Variants in ZBTB20 observed in about 807,000 individuals in gnomAD.
The protein encoded by ZBTB20 is zinc finger and BTB domain-containing protein 20.
Under a neutral mutation model 56.9 loss-of-function variants are expected in ZBTB20, and 9 were observed. The observed-to-expected ratio is 0.16, with a 90% CI of 0.10 to 0.28. The LOEUF (loss-of-function observed/expected upper bound fraction) is 0.28. Ranked by LOEUF, ZBTB20 falls within the 10% of genes least tolerant of loss-of-function variation. The pLI is 1.00. For missense variants in ZBTB20, 655 were observed against 1,003.0 expected (o/e 0.65, Z 4.69); for synonymous variants, 417 against 420.7 (o/e 0.99, Z 0.11).
chr3:115,017,906 T>C (rs1321313849), intron 2 of ZBTB20, among the ~76,000 whole-genome samples: 1 of 151,564 alleles, frequency 6.6e-6, no homozygotes, highest in Non-Finnish European at 1.5e-5. Flanking sequence ...TATATGAATA[T>C]TTACTTTCAG....
chr3:114,550,851 A>G (rs1175584709), intron 6 of ZBTB20, among the ~76,000 whole-genome samples: 4 of 152,112 alleles, frequency 2.6e-5, no homozygotes, highest in African/African-American at 9.7e-5. Context: ...CCTGGGTTCA[A>G]GCGATTCTCG....
At chr3:114,630,747 C>T (rs1028829767) in intron 6 of ZBTB20, among the ~76,000 whole-genome samples, 3 of 152,148 alleles carry the variant, frequency 2.0e-5, no homozygotes, top group African/African-American at 7.2e-5. Context: ...CTCAAACCAG[C>T]TAGCAAAGAA....
chr3:114,507,069 G>A (rs1032613308), intron 6 of ZBTB20, among the ~76,000 whole-genome samples: 1 of 152,182 alleles, frequency 6.6e-6, no homozygotes, highest in Non-Finnish European at 1.5e-5. Flanking sequence ...ACCAGAGAGA[G>A]GTCAAGGAAA....
chr3:114,605,273 T>C (rs1013611608), intron 6 of ZBTB20, among the ~76,000 whole-genome samples: 2 of 152,182 alleles, frequency 1.3e-5, no homozygotes, highest in Non-Finnish European at 2.9e-5. Flanking sequence ...CATGTTTGTA[T>C]TGAGAATGCC....
intron 5 of ZBTB20, among the ~76,000 whole-genome samples, chr3:114,732,911 A>G (rs1158653352): frequency 6.6e-6 from 1 of 152,168 alleles, no homozygotes; most frequent in Non-Finnish European, 1.5e-5. Context: ...TGAATGTGGG[A>G]AACTAGGCCA....
intron 2 of ZBTB20, among the ~76,000 whole-genome samples, chr3:115,032,055 T>G (rs1193446570): frequency 2.6e-5 from 4 of 151,504 alleles, no homozygotes; most frequent in Admixed American, 1.3e-4. Context: ...TCAAATTGTT[T>G]AAATGAGCTA....
At chr3:115,130,619 T>C (rs2084475988) in intron 1 of ZBTB20, among the ~76,000 whole-genome samples, 1 of 152,126 alleles carries the variant, frequency 6.6e-6, no homozygotes, top group African/African-American at 2.4e-5. Flanking sequence ...ATGTAGAAAA[T>C]TCTGGTAGCA....
rs556332681 is a variant in ZBTB20, at chr3:114,808,609, T to A, written c.-416-7435A>T. 2.0e-5 allele frequency among the ~76,000 whole-genome samples: 3 copies of A among 152,112 alleles called. No individual in the cohort carries two copies. In the East Asian group the frequency reaches 5.8e-4, roughly 29 times the overall value. On this transcript the variant is annotated intron_variant, in intron 4 of 11. Coordinates refer to ENST00000675478, the MANE Select transcript of ZBTB20 (RefSeq NM_001348800.3). ...AGCAAAAGAAAAACTAAGTTTTGGT[T>A]GATCTTTTCAAAAAACTAAGTTTTG...
At chr3:114,639,264 T>TTC (rs1428150656) in intron 6 of ZBTB20, among the ~76,000 whole-genome samples, 1 of 151,932 alleles carries the variant, frequency 6.6e-6, no homozygotes. Context: ...AAACATAAGG[T>TTC]GTGATTTAAT....
At chr3:114,626,992 T>C (rs2058690004) in intron 6 of ZBTB20, among the ~76,000 whole-genome samples, 1 of 152,190 alleles carries the variant, frequency 6.6e-6, no homozygotes, top group African/African-American at 2.4e-5. Context: ...TAAGGTTAGT[T>C]TATTCAGGCC....
chr3:114,575,447 G>A (rs2053904254), intron 6 of ZBTB20, among the ~76,000 whole-genome samples: 1 of 151,908 alleles, frequency 6.6e-6, no homozygotes, highest in Non-Finnish European at 1.5e-5. Flanking sequence ...CACAATAAAA[G>A]CACAGTATTT....
At chr3:114,972,630 G>T (rs998896316) in intron 3 of ZBTB20, among the ~76,000 whole-genome samples, 3 of 151,962 alleles carry the variant, frequency 2.0e-5, no homozygotes, top group Admixed American at 1.3e-4. Flanking sequence ...TTGTCTTCAG[G>T]TCTTTTAATG....
At chr3:114,894,227 C>A (rs1261369361) in intron 4 of ZBTB20, among the ~76,000 whole-genome samples, 1 of 152,032 alleles carries the variant, frequency 6.6e-6, no homozygotes, top group Non-Finnish European at 1.5e-5. Context: ...TTCTCACCTG[C>A]AAAATGGGAG....
chr3:115,047,347 G>A (rs546324535), intron 2 of ZBTB20, among the ~76,000 whole-genome samples: 2 of 152,316 alleles, frequency 1.3e-5, no homozygotes, highest in East Asian at 1.9e-4. Context: ...CTTGGAACCA[G>A]AGGAATCAGG....
chr3:114,933,813 T>C (rs2076438504), intron 3 of ZBTB20, among the ~76,000 whole-genome samples: 1 of 152,230 alleles, frequency 6.6e-6, no homozygotes, highest in Non-Finnish European at 1.5e-5. Context: ...TACTTTAGTA[T>C]ATTTTACATC....
chr3:114,707,645 G>A (rs1297736877), intron 5 of ZBTB20, among the ~76,000 whole-genome samples: 1 of 152,192 alleles, frequency 6.6e-6, no homozygotes, highest in African/African-American at 2.4e-5. Context: ...GGGACACAGT[G>A]GAAGAAGCGG....
intron 3 of ZBTB20, among the ~76,000 whole-genome samples, chr3:114,973,305 C>T (rs1654263645): frequency 6.6e-6 from 1 of 151,988 alleles, no homozygotes; most frequent in Admixed American, 6.6e-5. Context: ...GTAATTAAGC[C>T]AAATAAAATA....
chr3:114,538,972 TG>T (rs2048796511), intron 6 of ZBTB20, among the ~76,000 whole-genome samples: 1 of 152,174 alleles, frequency 6.6e-6, no homozygotes, highest in Non-Finnish European at 1.5e-5. Flanking sequence ...GTACCTTCAA[TG>T]GTTTCCAGTC....
At chr3:115,133,755 A>G (rs2084577019) in intron 1 of ZBTB20, among the ~76,000 whole-genome samples, 1 of 152,230 alleles carries the variant, frequency 6.6e-6, no homozygotes, top group African/African-American at 2.4e-5. Context: ...TCATAGATGA[A>G]TAATTTTTAT....
Sources: allele counts gnomAD v4.1 joint callset (sites outside exome capture counted in the v4.1 genomes callset), GRCh38; gene constraint gnomAD v4.1.1; transcripts MANE v1.5; gene names NCBI Gene and HGNC (gene_info 2026-07-23, HGNC 2026-07-21).